KCTD7: variants seen among roughly 807,000 people sequenced by gnomAD.
KCTD7 encodes the protein BTB/POZ domain-containing protein KCTD7.
A neutral mutation model predicts 27.0 loss-of-function variants in KCTD7; 15 were observed. That is an observed-to-expected ratio of 0.56 (90% CI 0.37 to 0.86). The LOEUF is 0.86. Ranked by LOEUF, KCTD7 falls within the 40% of genes least tolerant of loss-of-function variation. The probability of loss-of-function intolerance (pLI) is 0.00; values close to 1 mark genes in which losing one functional copy is unlikely to be tolerated. For synonymous variants in KCTD7, 159 were observed against 162.7 expected (o/e 0.98, Z 0.17); for missense variants, 299 against 398.9 (o/e 0.75, Z 2.13).
At chr7:66,635,781 G>A (rs1364824917) in intron 2 of KCTD7, among the ~76,000 whole-genome samples, 5 of 149,900 alleles carry the variant, frequency 3.3e-5, no homozygotes, top group East Asian at 3.9e-4. Context: ...GTGTCACATC[G>A]CTCTGCAGAA....
At chr7:66,632,316 T>C (rs1786468633) in intron 1 of KCTD7, among the ~76,000 whole-genome samples, 1 of 151,540 alleles carries the variant, frequency 6.6e-6, no homozygotes, top group South Asian at 2.1e-4. Flanking sequence ...TGAAACCCTA[T>C]CTCTACTAAA....
At position 66,641,188 on chromosome 7, in the gene KCTD7, C is replaced by T. The variant is rs2116779413; in HGVS notation, c.*1956C>T. 7 of 985,368 alleles carry T rather than the reference C, an allele frequency of 7.1e-6. No homozygotes were observed. In the South Asian group the frequency reaches 3.3e-4, roughly 46 times the overall value. 61.0% of individuals were successfully genotyped at this position (985,368 alleles called of 1,614,324 possible). ...CAAAGGGATAGTCTCTTTTCTGGAG[C>T]TGATGTCCCTGCTTGGAGGTTAGCC... On this transcript the variant is annotated 3_prime_UTR_variant, in exon 4 of 4. Coordinates refer to ENST00000639828, the MANE Select transcript of KCTD7 (RefSeq NM_153033.5).
rs1443683716 is a variant in KCTD7 at position 66,639,672 on chromosome 7, G to A, written c.*440G>A. 4 of 1,269,282 alleles carry A rather than the reference G, an allele frequency of 3.2e-6. No individual in the cohort carries two copies. The highest frequency in any genetic ancestry group is 4.0e-6 in the Non-Finnish European group (4 of 1,008,706). 78.6% of individuals were successfully genotyped at this position (1,269,282 alleles called of 1,614,324 possible). The stretch of plus-strand genomic sequence containing the variant: ...TGCTCAGTATATTGGTGTGAACACG[G>A]AACATGATGGGGGATTTACCTGACC... On this transcript the variant is annotated 3_prime_UTR_variant, in exon 4 of 4. Transcript: ENST00000639828.
chr7:66,633,188 C>A, intron 1 of KCTD7, 87 bp from the exon 2 acceptor site: 1 of 1,368,686 alleles, frequency 7.3e-7, no homozygotes, highest in Non-Finnish European at 1.0e-6. Flanking sequence ...TGGTGTGGCA[C>A]CAATCAGACC....
chr7:66,641,296 G>A lies in KCTD7; in HGVS notation c.*2064G>A. 2.0e-6 allele frequency: 2 copies of A among 985,278 alleles called. No homozygotes were observed. Among genetic ancestry groups the A allele is most frequent in the Non-Finnish European group, 2.4e-6 (2 of 829,894 alleles). The allele number at this position is 985,278 out of a possible 1,614,324, so 61.0% of individuals were successfully genotyped here. Reference sequence around the variant, plus strand: ...ATTGGTGTTACCTACTGCCTAATATGTGTTCATTTTTTGACAGAGAGGCAG... The same window carrying A: ...ATTGGTGTTACCTACTGCCTAATATATGTTCATTTTTTGACAGAGAGGCAG... On this transcript the variant is annotated 3_prime_UTR_variant, in exon 4 of 4. Coordinates refer to ENST00000639828, the MANE Select transcript of KCTD7 (RefSeq NM_153033.5).
chr7:66,631,593 G>C (rs949447733), intron 1 of KCTD7, among the ~76,000 whole-genome samples: 7 of 151,252 alleles, frequency 4.6e-5, no homozygotes, highest in Non-Finnish European at 8.8e-5. Context: ...AAGATGCATA[G>C]GGATACAATT....
At chr7:66,632,417 G>A (rs920904987) in intron 1 of KCTD7, among the ~76,000 whole-genome samples, 7 of 150,772 alleles carry the variant, frequency 4.6e-5, no homozygotes, top group African/African-American at 1.7e-4. Flanking sequence ...AACCCGAGAG[G>A]CGGAGGTTGC....
rs941791783 is a variant in KCTD7 at position 66,640,327 on chromosome 7, C to T, written c.*1095C>T. ...CTCACTCCTCTATTTTTGTTTTACT[C>T]ACTTCTTTATATTTTGTTTTACTCC... On this transcript the variant is annotated 3_prime_UTR_variant, in exon 4 of 4. Transcript: ENST00000639828. The T allele has an allele frequency of 3.3e-6, 5 of 1,533,942 alleles. No individual in the cohort carries two copies. The African/African-American group carries it at 6.9e-5, about 21-fold the overall frequency.
At chr7:66,638,824 C>A (rs749708032) in intron 3 of KCTD7, 32 bp from the exon 4 acceptor site, 2 of 1,613,230 alleles carry the variant, frequency 1.2e-6, no homozygotes, top group East Asian at 4.5e-5. Flanking sequence ...GCCTCTTCAC[C>A]CTAGTGATAG....
In KCTD7 at chr7:66,639,754, C is replaced by G; in HGVS notation, c.*522C>G. The G allele has an allele frequency of 1.6e-6, 2 of 1,250,328 alleles. No individual in the cohort carries two copies. The highest frequency in any genetic ancestry group is 2.0e-6 in the Non-Finnish European group (2 of 998,296). 77.5% of individuals were successfully genotyped at this position (1,250,328 alleles called of 1,614,324 possible). A position where few individuals can be genotyped will look rare whatever the true frequency, so the allele number is the denominator to read the frequency against. On this transcript the variant is annotated 3_prime_UTR_variant, in exon 4 of 4. Coordinates refer to ENST00000639828, the MANE Select transcript of KCTD7 (RefSeq NM_153033.5). ...AGAGCATCTTCTCTCCCACTGCACC[C>G]CTTCTCCTCCAAGAATAGTTGCCCA...
chr7:66,638,217 GCTCCTTGTCACCGACC>G lies in KCTD7; in HGVS notation c.315-32_315-17del, dbSNP rs758037249. 34 of 1,612,728 alleles carry G rather than the reference GCTCCTTGTCACCGACC, an allele frequency of 2.1e-5. No homozygotes were observed. The African/African-American group carries it at 4.4e-4, about 21-fold the overall frequency. On this transcript the variant is annotated intron_variant, in intron 2 of 3. Transcript: ENST00000639828. ...TGTGTGGCACTGCCCAGGAGCATAA[GCTCCTTGTCACCGACC>G]CTCTTTCCTTCCTGCTTAGAGATGT...
chr7:66,638,576 C>A, intron 3 of KCTD7, 145 bp downstream of exon 3: 1 of 969,058 alleles, frequency 1.0e-6, no homozygotes. Flanking sequence ...TTCCCAGTCA[C>A]GCTGGGGAGA....
intron 1 of KCTD7, 66 bp downstream of exon 1, chr7:66,629,274 A>G (rs1786387639): frequency 3.8e-6 from 2 of 520,442 alleles, no homozygotes; most frequent in Middle Eastern, 8.5e-4. Flanking sequence ...GGCGCGGGGC[A>G]TAGCGGTCCT....
chr7:66,636,401 A>G (rs1232324193), intron 2 of KCTD7, among the ~76,000 whole-genome samples: 4 of 151,962 alleles, frequency 2.6e-5, no homozygotes, highest in Non-Finnish European at 4.4e-5. Context: ...AGCCTCATTT[A>G]TGACATAGAG....
intron 2 of KCTD7, among the ~76,000 whole-genome samples, chr7:66,635,210 C>G (rs1195374291): frequency 6.6e-6 from 1 of 151,948 alleles, no homozygotes; most frequent in Non-Finnish European, 1.5e-5. Flanking sequence ...TGAGGTTTCA[C>G]TATGTTGGCC....
Position 66,628,967 on chromosome 7 carries a change from C to G in KCTD7, c.-98C>G. ...TCGCCCCCCTCCGGCCAGCCCGCAG[C>G]CGGCCGCGTCATGCCAGGCGCTGCT... On this transcript the variant is annotated 5_prime_UTR_variant, in exon 1 of 4. Transcript: ENST00000639828. 1 of 1,281,916 alleles carries G rather than the reference C, an allele frequency of 7.8e-7. No individual in the cohort carries two copies. Among genetic ancestry groups the G allele is most frequent in the Non-Finnish European group, 1.0e-6 (1 of 973,330 alleles). The allele number at this position is 1,281,916 out of a possible 1,614,324, so 79.4% of individuals were successfully genotyped here. A position where few individuals can be genotyped will look rare whatever the true frequency, so the allele number is the denominator to read the frequency against.
rs776661654 is a variant in KCTD7 at position 66,638,386 on chromosome 7, G to A, written c.448G>A (p.Glu150Lys). 2.5e-6 allele frequency: 4 copies of A among 1,614,236 alleles called. No individual in the cohort carries two copies. Among genetic ancestry groups the A allele is most frequent in the South Asian group, 1.1e-5 (1 of 91,086 alleles). ...QLENMQPLKG[E>K]KVRQAFLGLM... Reference sequence around the variant, plus strand: ...GGAGAACATGCAGCCACTGAAGGGCGAGAAGGTGCGCCAAGCGTTTCTGGG... The same window carrying A: ...GGAGAACATGCAGCCACTGAAGGGCAAGAAGGTGCGCCAAGCGTTTCTGGG... The change falls in exon 3 of 4, where the codon GAG (glutamate) becomes AAG (lysine). Residue 150 changes from glutamate (E) to lysine (K), a missense_variant. By Grantham distance (56) the Glu-to-Lys change is moderately conservative. Transcript: ENST00000639828.
chr7:66,633,212 A>G, intron 1 of KCTD7, 63 bp from the exon 2 acceptor site: 4 of 1,554,916 alleles, frequency 2.6e-6, no homozygotes, highest in Middle Eastern at 2.1e-4. Flanking sequence ...GGGATTGAAG[A>G]TGGAGCAGCC....
intron 2 of KCTD7, among the ~76,000 whole-genome samples, chr7:66,636,423 C>T (rs1786588802): frequency 1.3e-5 from 2 of 151,780 alleles, no homozygotes; most frequent in Admixed American, 6.6e-5. Context: ...TAAGATAGCA[C>T]ACACCCCCAA....
Sources: gnomAD v4.1 joint callset for allele counts (sites outside exome capture counted in the v4.1 genomes callset) on GRCh38, gnomAD v4.1.1 for gene constraint, MANE v1.5 for transcripts, NCBI Gene and HGNC (gene_info 2026-07-23, HGNC 2026-07-21) for gene names.